DCAF5: variants seen among roughly 807,000 people sequenced by gnomAD.
The protein encoded by DCAF5 is DDB1- and CUL4-associated factor 5.
A neutral mutation model predicts 80.7 loss-of-function variants in DCAF5; 9 were observed. The observed-to-expected ratio is 0.11, with a 90% CI of 0.07 to 0.19. The LOEUF is 0.19. Ranked by LOEUF, DCAF5 falls within the 10% of genes least tolerant of loss-of-function variation. The probability of loss-of-function intolerance (pLI) is 1.00; values close to 1 mark genes in which losing one functional copy is unlikely to be tolerated. For missense variants in DCAF5, 842 were observed against 1,205.7 expected, an observed-to-expected ratio of 0.70 and a Z score of 4.47; for synonymous variants, 433 against 461.9, an observed-to-expected ratio of 0.94 and a Z score of 0.80.
Position 69,153,049 on chromosome 14 carries a change from C to T in DCAF5, c.-71G>A. 1 of 1,203,304 alleles carries T rather than the reference C, an allele frequency of 8.3e-7. No homozygotes were observed. 74.5% of individuals were successfully genotyped at this position (1,203,304 alleles called of 1,614,324 possible). On this transcript the variant is annotated 5_prime_UTR_variant, in exon 1 of 9. Transcript: ENST00000341516. ...GCCTCACGCGCGGCCGCTGCTCCCC[C>T]CACCCGGCCCTCCCCCCGCGCTGCG... is the stretch of plus-strand genomic sequence containing the variant.
intron 6 of DCAF5, among the ~76,000 whole-genome samples, 200 bp from the exon 7 acceptor site, chr14:69,075,611 AG>A (rs999201906): frequency 6.6e-6 from 1 of 152,142 alleles, no homozygotes; most frequent in Non-Finnish European, 1.5e-5. Flanking sequence ...CCTCCAGAGT[AG>A]CTGGGACTAC....
At position 69,148,589 on chromosome 14, in the gene DCAF5, G is replaced by A. The variant is rs574031883; in HGVS notation, c.214+4176C>T. On this transcript the variant is annotated intron_variant, in intron 1 of 8. Coordinates refer to ENST00000341516, the MANE Select transcript of DCAF5 (RefSeq NM_003861.3). ...ACGCACATGTAATCCCAGCTACTCA[G>A]GAGGCTGAGGCAGGAGACTTGCTTG... Among the ~76,000 whole-genome samples the A allele has an allele frequency of 1.4e-3, 214 of 152,230 alleles. 5 individuals are homozygous for A. In the South Asian group the frequency reaches 0.028, roughly 20 times the overall value.
intron 6 of DCAF5, among the ~76,000 whole-genome samples, chr14:69,076,340 A>G (rs2038898199): frequency 6.6e-6 from 1 of 152,230 alleles, no homozygotes; most frequent in African/African-American, 2.4e-5. Flanking sequence ...CTGTATACCC[A>G]TTTTCATAGC....
chr14:69,084,234 TG>T (rs2039229606), intron 6 of DCAF5: 2 of 1,014,524 alleles, frequency 2.0e-6, no homozygotes, highest in Admixed American at 1.7e-5. Flanking sequence ...GGGTTGATAA[TG>T]GGTGGCAGTA....
chr14:69,129,523 A>G (rs577664453), intron 1 of DCAF5, among the ~76,000 whole-genome samples: 5 of 152,366 alleles, frequency 3.3e-5, no homozygotes, highest in Admixed American at 6.5e-5. Flanking sequence ...AGGGAAAGTC[A>G]GTTCAGACGC....
At chr14:69,064,165 G>A (rs754367121) in intron 7 of DCAF5, among the ~76,000 whole-genome samples, 2 of 152,132 alleles carry the variant, frequency 1.3e-5, no homozygotes, top group Non-Finnish European at 2.9e-5. Context: ...AATTAGGGAA[G>A]AGGGATAAAT....
intron 1 of DCAF5, among the ~76,000 whole-genome samples, chr14:69,141,139 T>TTAA (rs34483517): frequency 3.4e-5 from 2 of 59,380 alleles, no homozygotes; most frequent in African/African-American, 1.1e-4. Flanking sequence ...ATCTCAAATT[T>TTAA]AAAAAAAAAA....
At chr14:69,060,789 C>T (rs1217776065) in intron 8 of DCAF5, among the ~76,000 whole-genome samples, 5 of 152,162 alleles carry the variant, frequency 3.3e-5, no homozygotes, top group Non-Finnish European at 7.3e-5. Context: ...GCCTCGGCCT[C>T]CCAGAGTGTA....
intron 5 of DCAF5, among the ~76,000 whole-genome samples, chr14:69,103,822 A>G (rs1163753298): frequency 6.6e-6 from 1 of 152,238 alleles, no homozygotes; most frequent in Non-Finnish European, 1.5e-5. Context: ...TATCTTGAGA[A>G]TTATATCATT....
intron 1 of DCAF5, among the ~76,000 whole-genome samples, chr14:69,146,792 T>C (rs1182007534): frequency 1.3e-5 from 2 of 152,204 alleles, no homozygotes; most frequent in African/African-American, 4.8e-5. Flanking sequence ...ATAAAATACC[T>C]TCACAGCAAT....
At position 69,098,893 on chromosome 14, in the gene DCAF5, CAAAAAA is replaced by C. The variant is rs57089112; in HGVS notation, c.666-7012_666-7007del. ...GGCCGACTGAGCGAGACTCTGTCTCCAAAAAAAAAAAAAAAAAAAAAAGAAAAGAAA... is the reference window on the plus strand; with the variant it reads ...GGCCGACTGAGCGAGACTCTGTCTCCAAAAAAAAAAAAAAAAGAAAAGAAA... On this transcript the variant is annotated intron_variant, in intron 5 of 8. Transcript: ENST00000341516. 3.3e-3 allele frequency among the ~76,000 whole-genome samples: 197 copies of C among 59,600 alleles called. 1 individual carries two copies. The highest frequency in any genetic ancestry group is 1.9e-3 in the Admixed American group (8 of 4,106). The allele number at this position is 59,600 out of a possible 152,430, so 39.1% of individuals were successfully genotyped here.
In DCAF5 at chr14:69,075,406, G is replaced by A; in HGVS notation, c.885C>T (p.Ile295=). ...GGTTGAAGTCATCAGAGCCCGAAAG[G>A]ATATACTGTTGGAACAAAAAATATA... ...CCFAGDRDQY[I]LSGSDDFNLY... Residue 295 remains isoleucine, a synonymous_variant, in exon 7 of 9, where the codon ATC becomes ATT. Coordinates refer to ENST00000341516, the MANE Select transcript of DCAF5 (RefSeq NM_003861.3). 1 of 1,589,866 alleles carries A rather than the reference G, an allele frequency of 6.3e-7. No individual in the cohort carries two copies. Among genetic ancestry groups the A allele is most frequent in the Non-Finnish European group, 8.6e-7 (1 of 1,164,404 alleles).
At position 69,089,938 on chromosome 14, in the gene DCAF5, A is replaced by G. The variant is rs915081703; in HGVS notation, c.879+1736T>C. On this transcript the variant is annotated intron_variant, in intron 6 of 8. Coordinates refer to ENST00000341516, the MANE Select transcript of DCAF5 (RefSeq NM_003861.3). ...TGATAAGGATGGGAAACCATGGTCT[A>G]GGTGCTTACATGTTGGCTAGAGGTC... The G allele has an allele frequency of 3.0e-6, 3 of 985,312 alleles. No individual in the cohort carries two copies. The African/African-American group carries it at 5.2e-5, about 17-fold the overall frequency. The allele number at this position is 985,312 out of a possible 1,614,324, so 61.0% of individuals were successfully genotyped here. A position where few individuals can be genotyped will look rare whatever the true frequency, so the allele number is the denominator to read the frequency against.
chr14:69,086,265 C>T (rs762928342), intron 6 of DCAF5, among the ~76,000 whole-genome samples: 4 of 151,882 alleles, frequency 2.6e-5, no homozygotes, highest in South Asian at 2.1e-4. Context: ...GGCTGTGGCA[C>T]GAGAATTGCT....
At chr14:69,096,564 A>T (rs1399805975) in intron 5 of DCAF5, among the ~76,000 whole-genome samples, 1 of 152,170 alleles carries the variant, frequency 6.6e-6, no homozygotes, top group Non-Finnish European at 1.5e-5. Context: ...CAGTGTTTCT[A>T]ATCATTATCT....
chr14:69,129,061 G>T (rs1460484675), intron 1 of DCAF5, among the ~76,000 whole-genome samples: 1 of 152,158 alleles, frequency 6.6e-6, no homozygotes, highest in Non-Finnish European at 1.5e-5. Context: ...AATCTTTAAT[G>T]TTCATTCTAG....
chr14:69,060,812 G>A (rs990454536), intron 8 of DCAF5, among the ~76,000 whole-genome samples: 12 of 152,124 alleles, frequency 7.9e-5, no homozygotes, highest in African/African-American at 1.9e-4. Flanking sequence ...GATTACAGGC[G>A]TGAGCCACCA....
intron 5 of DCAF5, among the ~76,000 whole-genome samples, chr14:69,102,296 A>C (rs1342758704): frequency 1.3e-5 from 2 of 151,688 alleles, no homozygotes; most frequent in Non-Finnish European, 2.9e-5. Flanking sequence ...TTTAGTAGAG[A>C]TAGGGTTTCA....
chr14:69,102,659 T>A (rs924263428), intron 5 of DCAF5, among the ~76,000 whole-genome samples: 1 of 140,296 alleles, frequency 7.1e-6, no homozygotes, highest in African/African-American at 2.5e-5. Context: ...CTCATCAATA[T>A]CACTATCTTC....
Sources: allele counts gnomAD v4.1 joint callset (sites outside exome capture counted in the v4.1 genomes callset), GRCh38; gene constraint gnomAD v4.1.1; transcripts MANE v1.5; gene names NCBI Gene and HGNC (gene_info 2026-07-23, HGNC 2026-07-21).